Variants in CDH18 observed in about 807,000 individuals in gnomAD.
CDH18 encodes the protein cadherin 18.
Under a neutral mutation model 67.9 loss-of-function variants are expected in CDH18, and 31 were observed. The ratio of observed to expected loss-of-function variants is 0.46; its 90% CI spans 0.34 to 0.62. The LOEUF is 0.62. CDH18 is among the 20% of genes least tolerant of loss of function. CDH18 has a pLI of 0.01. For synonymous variants in CDH18, 362 were observed against 347.2 expected (o/e 1.04, Z -0.48); for missense variants, 890 against 975.5 (o/e 0.91, Z 1.17).
chr5:19,596,737 G>GA (rs975208838), intron 6 of CDH18, among the ~76,000 whole-genome samples: 4 of 151,834 alleles, frequency 2.6e-5, no homozygotes, highest in African/African-American at 4.8e-5. Context: ...TATGTTTATA[G>GA]AAAAAAAACC....
chr5:20,345,272 G>A (rs1440470820), intron 1 of CDH18, among the ~76,000 whole-genome samples: 2 of 147,998 alleles, frequency 1.4e-5, no homozygotes, highest in Non-Finnish European at 3.0e-5. Context: ...GTATATTGGG[G>A]TACTATTTTT....
intron 2 of CDH18, among the ~76,000 whole-genome samples, chr5:19,927,759 G>C (rs1311510373): frequency 6.6e-6 from 1 of 152,084 alleles, no homozygotes; most frequent in East Asian, 1.9e-4. Context: ...GAAAAAACCT[G>C]AGAAATGTGG....
intron 1 of CDH18, among the ~76,000 whole-genome samples, chr5:20,544,714 G>A (rs1343824665): frequency 6.6e-6 from 1 of 152,164 alleles, no homozygotes; most frequent in East Asian, 1.9e-4. Flanking sequence ...CTCAACGTGT[G>A]AGGATTACAA....
intron 7 of CDH18, among the ~76,000 whole-genome samples, chr5:19,575,905 A>C (rs1742237189): frequency 6.6e-6 from 1 of 152,140 alleles, no homozygotes; most frequent in Non-Finnish European, 1.5e-5. Context: ...TTTATATTGT[A>C]ATTCAACCAC....
intron 10 of CDH18, among the ~76,000 whole-genome samples, chr5:19,509,607 C>A (rs979152814): frequency 6.6e-6 from 1 of 152,056 alleles, no homozygotes; most frequent in Non-Finnish European, 1.5e-5. Context: ...TTAATTTTTT[C>A]ATGCAAAGCT....
intron 1 of CDH18, among the ~76,000 whole-genome samples, chr5:20,318,294 C>G (rs1218747935): frequency 6.6e-6 from 1 of 152,026 alleles, no homozygotes; most frequent in Non-Finnish European, 1.5e-5. Context: ...TATTTACAAA[C>G]TCCCAAAAAA....
chr5:20,419,089 T>C (rs193182222), intron 1 of CDH18, among the ~76,000 whole-genome samples: 1 of 152,028 alleles, frequency 6.6e-6, no homozygotes, highest in African/African-American at 2.4e-5. Context: ...GCGGAGGTAA[T>C]TGAATCAAGG....
At chr5:20,013,888 C>T (rs76623549) in intron 2 of CDH18, among the ~76,000 whole-genome samples, 1,754 of 152,164 alleles carry the variant, frequency 0.012, 41 homozygotes, top group African/African-American at 0.04. Context: ...ATTTGATACA[C>T]TTTCCCCAAA....
At chr5:19,969,777 T>G (rs1265753899) in intron 2 of CDH18, among the ~76,000 whole-genome samples, 1 of 151,766 alleles carries the variant, frequency 6.6e-6, no homozygotes, top group Non-Finnish European at 1.5e-5. Context: ...CACACCAGCA[T>G]GGCACATGTA....
At chr5:19,478,672 C>T (rs1738899993) in intron 12 of CDH18, 1 of 152,198 alleles carries the variant, frequency 6.6e-6, no homozygotes, top group Non-Finnish European at 1.5e-5. Flanking sequence ...AAGCTGTGGA[C>T]TGAAAGGGTA....
intron 1 of CDH18, among the ~76,000 whole-genome samples, chr5:20,279,840 A>G (rs575641954): frequency 1.3e-5 from 2 of 152,194 alleles, no homozygotes; most frequent in African/African-American, 4.8e-5. Flanking sequence ...AAAGAAACAT[A>G]GATTTAGTCT....
intron 3 of CDH18, among the ~76,000 whole-genome samples, chr5:19,771,114 C>T (rs1022167558): frequency 6.6e-6 from 1 of 152,098 alleles, no homozygotes; most frequent in Non-Finnish European, 1.5e-5. Context: ...AAACATGAAT[C>T]ACTGAGGTGT....
At chr5:20,410,881 A>T (rs1052326745) in intron 1 of CDH18, among the ~76,000 whole-genome samples, 2 of 151,854 alleles carry the variant, frequency 1.3e-5, no homozygotes, top group South Asian at 4.1e-4. Flanking sequence ...AATACTTAAG[A>T]ATAAAGTTAA....
At chr5:19,534,118 A>C (rs1749054477) in intron 9 of CDH18, among the ~76,000 whole-genome samples, 1 of 151,934 alleles carries the variant, frequency 6.6e-6, no homozygotes, top group African/African-American at 2.4e-5. Flanking sequence ...ATTGCTCCTT[A>C]TTGTGTAGAA....
At chr5:20,151,660 T>G (rs2126570558) in intron 2 of CDH18, among the ~76,000 whole-genome samples, 1 of 152,274 alleles carries the variant, frequency 6.6e-6, no homozygotes, top group East Asian at 1.9e-4. Context: ...GTTTTGTGAC[T>G]TTTCAAAAAT....
intron 2 of CDH18, among the ~76,000 whole-genome samples, chr5:20,141,836 A>G (rs988572502): frequency 6.6e-6 from 1 of 152,090 alleles, no homozygotes; most frequent in African/African-American, 2.4e-5. Context: ...CATCTAATTA[A>G]CTGAAGGGGA....
At chr5:20,179,439 T>A (rs1487032162) in intron 2 of CDH18, among the ~76,000 whole-genome samples, 1 of 152,190 alleles carries the variant, frequency 6.6e-6, no homozygotes, top group African/African-American at 2.4e-5. Flanking sequence ...AACTGCGAAG[T>A]ACTTAGTTTG....
intron 2 of CDH18, among the ~76,000 whole-genome samples, chr5:19,862,662 C>CA (rs1334396062): frequency 1.8e-4 from 27 of 152,310 alleles, no homozygotes; most frequent in Non-Finnish European, 7.4e-5. Flanking sequence ...CAGGGTTAGA[C>CA]AGAGTGTGAG....
intron 7 of CDH18, among the ~76,000 whole-genome samples, chr5:19,587,338 G>A (rs995579336): frequency 1.3e-5 from 2 of 152,122 alleles, no homozygotes; most frequent in Non-Finnish European, 2.9e-5. Flanking sequence ...AATTGCTTTA[G>A]GGCTCTTCGT....
Sources: gnomAD v4.1 joint callset for allele counts (sites outside exome capture counted in the v4.1 genomes callset) on GRCh38, gnomAD v4.1.1 for gene constraint, MANE v1.5 for transcripts, NCBI Gene and HGNC (gene_info 2026-07-23, HGNC 2026-07-21) for gene names.